CHD9: variants seen among roughly 807,000 people sequenced by gnomAD.
The protein encoded by CHD9 is chromodomain helicase DNA binding protein 9.
In CHD9, 77 loss-of-function variants were observed where a neutral mutation model predicts 316.1. The ratio of observed to expected loss-of-function variants is 0.24; its 90% confidence interval spans 0.20 to 0.29. The LOEUF is 0.29. Among genes scored for constraint, CHD9 ranks in the 10% least tolerant of loss-of-function variants. CHD9 has a pLI of 1.00. For missense variants in CHD9, 2,763 were observed against 3,438.1 expected (o/e 0.80, Z 4.91); for synonymous variants, 1,129 against 1,158.3 (o/e 0.97, Z 0.51).
At chr16:53,161,235 G>A (rs995201974) in intron 2 of CHD9, among the ~76,000 whole-genome samples, 8 of 152,134 alleles carry the variant, frequency 5.3e-5, no homozygotes, top group African/African-American at 1.9e-4. Context: ...ATTGTATGTT[G>A]CATATCAGTT....
At chr16:53,292,292 A>G (rs1396125930) in intron 28 of CHD9, among the ~76,000 whole-genome samples, 1 of 152,234 alleles carries the variant, frequency 6.6e-6, no homozygotes, top group Non-Finnish European at 1.5e-5. Context: ...ATGAATGACT[A>G]CAGCTTGATT....
At chr16:53,293,608 G>A (rs978208084) in intron 29 of CHD9, among the ~76,000 whole-genome samples, 2 of 151,600 alleles carry the variant, frequency 1.3e-5, no homozygotes, top group African/African-American at 4.8e-5. Flanking sequence ...AGAGCAAGAC[G>A]GTCTCAAAAA....
intron 1 of CHD9, among the ~76,000 whole-genome samples, chr16:53,114,619 G>A (rs989253596): frequency 6.0e-5 from 9 of 149,958 alleles, no homozygotes; most frequent in East Asian, 2.0e-4. Context: ...ACGGAGTCTC[G>A]CTCTGTCACC....
In CHD9 at chr16:53,324,179, G is replaced by T; in HGVS notation, c.7978G>T (p.Ala2660Ser). Residue 2660 changes from alanine to serine, a missense_variant, in exon 39 of 39, where the codon GCC becomes TCC. Ala to Ser is a moderately conservative substitution (Grantham distance 99). Transcript: ENST00000447540. The stretch of plus-strand genomic sequence containing the variant: ...CAGTGTTTCAGGCAATCCTTTGTTA[G>T]CCAATGGACTACTTCCAGGTGTGGA... Reference protein sequence around the residue: ...ATSVSGNPLLANGLLPGVDLT... With the variant: ...ATSVSGNPLLSNGLLPGVDLT... 1.2e-6 allele frequency: 2 copies of T among 1,614,022 alleles called. No homozygotes were observed. Among genetic ancestry groups the T allele is most frequent in the Non-Finnish European group, 1.7e-6 (2 of 1,179,904 alleles).
chr16:53,068,601 G>A (rs1456563724), intron 1 of CHD9, among the ~76,000 whole-genome samples: 1 of 152,154 alleles, frequency 6.6e-6, no homozygotes, highest in Non-Finnish European at 1.5e-5. Context: ...CCTGGGAACT[G>A]CCACAGCACC....
intron 24 of CHD9, among the ~76,000 whole-genome samples, chr16:53,276,532 A>T (rs2153021558): frequency 6.6e-6 from 1 of 152,264 alleles, no homozygotes; most frequent in African/African-American, 2.4e-5. Flanking sequence ...GTCAGATAAG[A>T]GCTACCTTCA....
chr16:53,215,176 A>G (rs2046647625), intron 3 of CHD9, among the ~76,000 whole-genome samples: 1 of 152,202 alleles, frequency 6.6e-6, no homozygotes, highest in Non-Finnish European at 1.5e-5. Flanking sequence ...TCGGCCTCCC[A>G]AAGTGCTGGG....
chr16:53,198,885 CT>C (rs1349999432), intron 2 of CHD9, among the ~76,000 whole-genome samples: 1 of 151,962 alleles, frequency 6.6e-6, no homozygotes, highest in Admixed American at 6.6e-5. Context: ...ATAGATAAGT[CT>C]TTGATAGCAT....
intron 1 of CHD9, among the ~76,000 whole-genome samples, chr16:53,074,255 G>A (rs1440151739): frequency 1.3e-5 from 2 of 152,224 alleles, no homozygotes; most frequent in Non-Finnish European, 2.9e-5. Context: ...AAGCAGCAAA[G>A]CATTCAAGAG....
At chr16:53,136,443 G>A (rs2039713987) in intron 1 of CHD9, among the ~76,000 whole-genome samples, 1 of 151,808 alleles carries the variant, frequency 6.6e-6, no homozygotes, top group Non-Finnish European at 1.5e-5. Context: ...TTTGTAAGAG[G>A]AAGGAAAAAA....
chr16:53,270,544 C>T (rs1310872543), intron 22 of CHD9, among the ~76,000 whole-genome samples: 1 of 151,986 alleles, frequency 6.6e-6, no homozygotes, highest in Admixed American at 6.6e-5. Context: ...ATTACATTTA[C>T]TTCAAAATAA....
chr16:53,063,114 G>C (rs1362634475), intron 1 of CHD9, among the ~76,000 whole-genome samples: 2 of 152,102 alleles, frequency 1.3e-5, no homozygotes, highest in Non-Finnish European at 2.9e-5. Context: ...AGTGCTGGAT[G>C]CTCTTCTAAG....
At position 53,157,499 on chromosome 16, in the gene CHD9, T is replaced by C. The variant is rs2041600404; in HGVS notation, c.1410T>C (p.His470=). ...GTTGGCATTCATCATTTTCTAATCA[T>C]CAGCATTTACATGACAGAAATCACC... is the stretch of plus-strand genomic sequence containing the variant. ...ARSWHSSFSN[H]QHLHDRNHLC... The change falls in exon 2 of 39, where the codon CAT becomes CAC. Residue 470 remains histidine, a synonymous_variant. Transcript: ENST00000447540. 2 of 1,613,766 alleles carry C rather than the reference T, an allele frequency of 1.2e-6. No individual in the cohort carries two copies. The highest frequency in any genetic ancestry group is 1.7e-6 in the Non-Finnish European group (2 of 1,179,806).
At chr16:53,091,839 C>T (rs1488659652) in intron 1 of CHD9, among the ~76,000 whole-genome samples, 1 of 152,140 alleles carries the variant, frequency 6.6e-6, no homozygotes, top group African/African-American at 2.4e-5. Context: ...TTCCTTCTCT[C>T]CTTCCTTCCT....
chr16:53,109,841 C>T (rs111446632), intron 1 of CHD9, among the ~76,000 whole-genome samples: 1 of 151,434 alleles, frequency 6.6e-6, no homozygotes, highest in Non-Finnish European at 1.5e-5. Flanking sequence ...CCCGCCACCA[C>T]GCCCGGCTAA....
rs773619167 is a variant in CHD9 at position 53,249,861 on chromosome 16, C to T, written c.3666-10C>T. 20 of 1,595,858 alleles carry T rather than the reference C, an allele frequency of 1.3e-5. No individual in the cohort carries two copies. In the Middle Eastern group the frequency reaches 6.6e-4, roughly 53 times the overall value. The stretch of plus-strand genomic sequence containing the variant: ...TTATTTATGTAAATTTATTCCATTT[C>T]ATTCCATAGATACTTATATGAGCGA... On this transcript the variant is annotated splice_polypyrimidine_tract_variant and intron_variant, in intron 16 of 38. Transcript: ENST00000447540.
intron 12 of CHD9, among the ~76,000 whole-genome samples, chr16:53,240,554 C>T (rs1289578231): frequency 4.0e-5 from 6 of 151,884 alleles, no homozygotes; most frequent in South Asian, 4.1e-4. Flanking sequence ...AATAGATCTG[C>T]ACTTCAAATA....
chr16:53,093,070 T>C (rs903823153), intron 1 of CHD9, among the ~76,000 whole-genome samples: 3 of 152,252 alleles, frequency 2.0e-5, no homozygotes, highest in Admixed American at 1.3e-4. Flanking sequence ...TGAGCCATTA[T>C]GCCCTGCTGC....
At chr16:53,311,095 A>G (rs1275091276) in intron 34 of CHD9, 1 of 151,392 alleles carries the variant, frequency 6.6e-6, no homozygotes, top group Non-Finnish European at 1.5e-5. Context: ...CTAAGGTGGA[A>G]GGATCACTTG....
Sources: gnomAD v4.1 joint callset for allele counts (sites outside exome capture counted in the v4.1 genomes callset) on GRCh38, gnomAD v4.1.1 for gene constraint, MANE v1.5 for transcripts, NCBI Gene and HGNC (gene_info 2026-07-23, HGNC 2026-07-21) for gene names.